GABRG3: variants seen among roughly 807,000 people sequenced by gnomAD.
GABRG3 encodes gamma-aminobutyric acid receptor subunit gamma-3.
Under a neutral mutation model 48.8 loss-of-function variants are expected in GABRG3, and 25 were observed. The ratio of observed to expected loss-of-function variants is 0.51; its 90% confidence interval spans 0.37 to 0.72. The LOEUF is 0.72. GABRG3 is among the 30% of genes least tolerant of loss of function. GABRG3 has a pLI of 0.00. For missense variants in GABRG3, 394 were observed against 577.9 expected (o/e 0.68, Z 3.26); for synonymous variants, 227 against 217.6 (o/e 1.04, Z -0.38).
chr15:27,218,052 C>T (rs1165080954), intron 3 of GABRG3, among the ~76,000 whole-genome samples: 1 of 152,196 alleles, frequency 6.6e-6, no homozygotes, highest in Admixed American at 6.5e-5. Context: ...CGCTGTCTCC[C>T]AGGCTGGAGT....
intron 5 of GABRG3, among the ~76,000 whole-genome samples, chr15:27,409,308 T>C (rs1887729743): frequency 6.6e-6 from 1 of 152,182 alleles, no homozygotes; most frequent in Non-Finnish European, 1.5e-5. Flanking sequence ...GTGCGGGGGC[T>C]ATGAATGTCC....
chr15:27,100,656 A>G (rs1897339687), intron 3 of GABRG3, among the ~76,000 whole-genome samples: 1 of 152,232 alleles, frequency 6.6e-6, no homozygotes, highest in African/African-American at 2.4e-5. Flanking sequence ...TTTCAGGTAT[A>G]GAAGGTTGAT....
chr15:27,037,335 A>G (rs570187121), intron 3 of GABRG3, among the ~76,000 whole-genome samples: 1 of 152,336 alleles, frequency 6.6e-6, no homozygotes, highest in African/African-American at 2.4e-5. Context: ...TAAGAATTGA[A>G]GAAACAGGAG....
intron 3 of GABRG3, among the ~76,000 whole-genome samples, chr15:27,275,045 A>G (rs1891209233): frequency 6.6e-6 from 1 of 152,164 alleles, no homozygotes; most frequent in Non-Finnish European, 1.5e-5. Context: ...TTAGAGCTGC[A>G]ATAACCTGAA....
intron 3 of GABRG3, among the ~76,000 whole-genome samples, chr15:27,048,383 A>G (rs1896400591): frequency 6.6e-6 from 1 of 152,090 alleles, no homozygotes. Flanking sequence ...AGCAGACTAG[A>G]TATGGATGTG....
intron 3 of GABRG3, among the ~76,000 whole-genome samples, chr15:27,167,002 A>G (rs777061107): frequency 1.7e-4 from 26 of 152,248 alleles, no homozygotes; most frequent in Non-Finnish European, 3.2e-4. Context: ...TGTGACCTGC[A>G]CTAATTTTGC....
intron 5 of GABRG3, among the ~76,000 whole-genome samples, chr15:27,398,889 T>C (rs1659173280): frequency 6.6e-6 from 1 of 152,094 alleles, no homozygotes; most frequent in Non-Finnish European, 1.5e-5. Context: ...GACACACTAT[T>C]ACACTATTAT....
chr15:27,167,985 TGGAG>T (rs1887435868), intron 3 of GABRG3, among the ~76,000 whole-genome samples: 1 of 152,112 alleles, frequency 6.6e-6, no homozygotes, highest in Admixed American at 6.5e-5. Flanking sequence ...GCAGAAGTGA[TGGAG>T]GGACCCGGCC....
intron 3 of GABRG3, among the ~76,000 whole-genome samples, chr15:27,232,415 C>T (rs138812299): frequency 3.9e-5 from 6 of 152,300 alleles, no homozygotes; most frequent in East Asian, 1.9e-4. Flanking sequence ...TCATCTTACC[C>T]GGGCGTCCAC....
intron 3 of GABRG3, among the ~76,000 whole-genome samples, chr15:27,152,901 C>T (rs1173996757): frequency 6.7e-6 from 1 of 150,030 alleles, no homozygotes; most frequent in Admixed American, 6.6e-5. Context: ...CGCTCTGTCG[C>T]CCAGGCTGGA....
intron 5 of GABRG3, among the ~76,000 whole-genome samples, chr15:27,350,747 C>G (rs1304373493): frequency 2.0e-5 from 3 of 152,166 alleles, no homozygotes; most frequent in African/African-American, 7.2e-5. Context: ...AGCCCCAGAC[C>G]TGGCAGACAC....
chr15:27,307,768 A>T (rs540054974), intron 3 of GABRG3, among the ~76,000 whole-genome samples: 36 of 123,126 alleles, frequency 2.9e-4, no homozygotes, highest in African/African-American at 9.9e-4. Flanking sequence ...TATAAAATAA[A>T]CATATGTTTA....
At chr15:27,444,993 T>C (rs550227907) in intron 5 of GABRG3, among the ~76,000 whole-genome samples, 3 of 152,244 alleles carry the variant, frequency 2.0e-5, no homozygotes, top group East Asian at 3.9e-4. Context: ...TGCCTCAGCC[T>C]CCCAAGTAGC....
chr15:27,464,884 A>G (rs559894511), intron 5 of GABRG3, among the ~76,000 whole-genome samples: 1 of 152,308 alleles, frequency 6.6e-6, no homozygotes, highest in South Asian at 2.1e-4. Context: ...TGATTTGGAA[A>G]TATTTTCTCT....
intron 3 of GABRG3, among the ~76,000 whole-genome samples, chr15:27,216,777 A>ATTTTTTC (rs1441536732): frequency 1.7e-5 from 1 of 59,916 alleles, no homozygotes; most frequent in East Asian, 7.9e-4. Flanking sequence ...TTTATTTTTT[A>ATTTTTTC]ATTTTTTTTT....
At position 27,388,351 on chromosome 15, in the gene GABRG3, GGTAAGGAAGGAA is replaced by G. The variant is rs143758783; in HGVS notation, c.574+59465_574+59476del. ...GGAAGGAAGGAAAGGTGGGAGGGAG[GGTAAGGAAGGAA>G]GGAAGAAAGGAAGGAAGGAAGGAAA... is the stretch of plus-strand genomic sequence containing the variant. On this transcript the variant is annotated intron_variant, in intron 5 of 9. Coordinates refer to ENST00000615808, the MANE Select transcript of GABRG3 (RefSeq NM_033223.5). Among the ~76,000 whole-genome samples the G allele has an allele frequency of 8.4e-5, 3 of 35,606 alleles. 1 individual carries two copies. The highest frequency in any genetic ancestry group is 2.0e-4 in the African/African-American group (2 of 10,068). 23.4% of individuals were successfully genotyped at this position (35,606 alleles called of 152,430 possible). A position where few individuals can be genotyped will look rare whatever the true frequency, so the allele number is the denominator to read the frequency against.
intron 3 of GABRG3, among the ~76,000 whole-genome samples, chr15:27,083,761 C>T (rs1897029459): frequency 6.6e-6 from 1 of 152,190 alleles, no homozygotes; most frequent in South Asian, 2.1e-4. Context: ...TCACAAAGCC[C>T]CAGGTACCAT....
rs1191062174 is a variant in GABRG3, at chr15:27,527,445, T to C, written c.878T>C (p.Val293Ala). Residue 293 changes from valine (V) to alanine (A), a missense_variant, in exon 8 of 10, where the codon GTG becomes GCG. This residue lies in a region of GABRG3 where 50 missense variants were observed against 112.5 expected (regional missense o/e 0.44). Coordinates refer to ENST00000615808, the MANE Select transcript of GABRG3 (RefSeq NM_033223.5). ...GTCCCCTGTTCAGGCATCACCACGG[T>C]GCTGACCATGACCACCCTGAGCACC... ...PARTALGITT[V>A]LTMTTLSTIA... The C allele has an allele frequency of 1.2e-6, 2 of 1,613,592 alleles. No homozygotes were observed. Among genetic ancestry groups the C allele is most frequent in the African/African-American group, 2.7e-5 (2 of 74,930 alleles).
intron 3 of GABRG3, among the ~76,000 whole-genome samples, chr15:27,110,582 A>AT (rs58824508): frequency 4.1e-4 from 61 of 147,714 alleles, no homozygotes; most frequent in Middle Eastern, 3.5e-3. Flanking sequence ...AATTCCCTCA[A>AT]TTTTTTTTTT....
Sources: gnomAD v4.1 joint callset for allele counts (sites outside exome capture counted in the v4.1 genomes callset) on GRCh38, gnomAD v4.1.1 for gene constraint, gnomAD v4.1.1 regional missense constraint, MANE v1.5 for transcripts, NCBI Gene and HGNC (gene_info 2026-07-23, HGNC 2026-07-21) for gene names.